Variants in FUZ observed in about 807,000 individuals in gnomAD.
FUZ encodes protein fuzzy homolog.
A neutral mutation model predicts 43.1 loss-of-function variants in FUZ; 31 were observed. The ratio of observed to expected loss-of-function variants is 0.72; its 90% CI spans 0.54 to 0.97. FUZ has a LOEUF of 0.97. Ranked by LOEUF, FUZ falls within the 50% of genes least tolerant of loss-of-function variation. FUZ has a pLI of 0.00. For synonymous variants in FUZ, 274 were observed against 250.0 expected, an observed-to-expected ratio of 1.10 and a Z score of -0.91; for missense variants, 539 against 543.8, an observed-to-expected ratio of 0.99 and a Z score of 0.09.
chr19:49,810,875 C>T (rs1029651759), intron 5 of FUZ, among the ~76,000 whole-genome samples: 8 of 151,690 alleles, frequency 5.3e-5, no homozygotes, highest in African/African-American at 1.9e-4. Flanking sequence ...ATGGCCCAGG[C>T]GCAGTGGCTC....
intron 10 of FUZ, among the ~76,000 whole-genome samples, chr19:49,807,758 G>A (rs1380626530): frequency 6.6e-6 from 1 of 152,164 alleles, no homozygotes. Flanking sequence ...GTGGGAGGTG[G>A]AGTCGCACAG....
Position 49,809,525 on chromosome 19 carries a change from C to T in FUZ, c.543G>A (p.Leu181=), listed in dbSNP as rs747005637. 7.5e-6 allele frequency: 12 copies of T among 1,601,526 alleles called. No individual in the cohort carries two copies. The Admixed American group carries it at 2.0e-4, about 27-fold the overall frequency. ...CTGCCACCACCCGGCCGGACACCAC[C>T]AGACTGACGAAGGTCGTGCCCGCGG... The part of the protein sequence containing the change: ...AEAAGTTFVS[L]VVSGRVVAAT... Residue 181 remains leucine (L), a synonymous_variant, in exon 6 of 11, where the codon CTG becomes CTA. Coordinates refer to ENST00000313777, the MANE Select transcript of FUZ (RefSeq NM_025129.5). The surrounding 1 kb of genome is among the most constrained non-coding windows in gnomAD (Gnocchi z 5.1).
In FUZ at chr19:49,809,688, G is replaced by A. The variant is rs1459182915; in HGVS notation, c.493-113C>T. 10 of 1,085,274 alleles carry A rather than the reference G, an allele frequency of 9.2e-6. No individual in the cohort carries two copies. Among genetic ancestry groups the A allele is most frequent in the Middle Eastern group, 2.8e-4 (1 of 3,556 alleles). The allele number at this position is 1,085,274 out of a possible 1,614,324, so 67.2% of individuals were successfully genotyped here. ...AACCCACAGCCAGCCCCGAGCTCGCGCAGTGGCCATGCTCCTACGTCTCAC... is the reference window on the plus strand; with the variant it reads ...AACCCACAGCCAGCCCCGAGCTCGCACAGTGGCCATGCTCCTACGTCTCAC... On this transcript the variant is annotated intron_variant, in intron 5 of 10. Transcript: ENST00000313777. This position sits in a 1 kb window ranked among gnomAD's most constrained non-coding sequence, Gnocchi z 5.1.
At chr19:49,811,513 G>T in intron 4 of FUZ, 46 bp from the exon 5 acceptor site, 2 of 1,593,726 alleles carry the variant, frequency 1.3e-6, no homozygotes, top group South Asian at 2.2e-5. Flanking sequence ...GTGGGCCCAG[G>T]GTCAGACAAC....
At chr19:49,807,421 C>G in intron 10 of FUZ, 47 bp from the exon 11 acceptor site, 1 of 1,533,642 alleles carries the variant, frequency 6.5e-7, no homozygotes, top group Non-Finnish European at 8.9e-7. Context: ...GCATGCTAAC[C>G]TTTGCAAGCC....
Position 49,809,849 on chromosome 19 carries a change from G to T in FUZ, c.493-274C>A, listed in dbSNP as rs2073673016. On this transcript the variant is annotated intron_variant, in intron 5 of 10. Transcript: ENST00000313777. This position sits in a 1 kb window ranked among gnomAD's most constrained non-coding sequence, Gnocchi z 5.1. Reference sequence around the variant, plus strand: ...TAATAATGTAACCGCAGCAGCTACCGTTCATCCAGGCCTGTTACATGCCGA... The same window carrying T: ...TAATAATGTAACCGCAGCAGCTACCTTTCATCCAGGCCTGTTACATGCCGA... 3.7e-6 allele frequency: 2 copies of T among 547,456 alleles called. No homozygotes were observed. The highest frequency in any genetic ancestry group is 4.0e-5 in the South Asian group (2 of 50,010). 33.9% of individuals were successfully genotyped at this position (547,456 alleles called of 1,614,324 possible). A position where few individuals can be genotyped will look rare whatever the true frequency, so the allele number is the denominator to read the frequency against.
In FUZ at chr19:49,809,412, T is replaced by C; in HGVS notation, c.656A>G (p.Asp219Gly). The C allele has an allele frequency of 1.3e-6, 2 of 1,543,320 alleles. No homozygotes were observed. The highest frequency in any genetic ancestry group is 8.7e-7 in the Non-Finnish European group (1 of 1,146,822). The change falls in exon 6 of 11, where the codon GAC becomes GGC. Residue 219 changes from aspartate (D) to glycine (G), a missense_variant. By Grantham distance (94) the Asp-to-Gly change is moderately conservative. Coordinates refer to ENST00000313777, the MANE Select transcript of FUZ (RefSeq NM_025129.5). This position sits in a 1 kb window ranked among gnomAD's most constrained non-coding sequence, Gnocchi z 5.1. ...VGSLPPQTAR[D>G]YPVYLPHGSP... The stretch of plus-strand genomic sequence containing the variant: ...CCCGTGCGGCAGGTACACCGGGTAG[T>C]CGCGAGCGGTCTGCGGCGGCAGGGA...
rs769846061 is a variant in FUZ at position 49,807,033 on chromosome 19, C to A, written c.*118G>T. The A allele has an allele frequency of 4.6e-6, 7 of 1,519,914 alleles. No homozygotes were observed. The highest frequency in any genetic ancestry group is 6.2e-6 in the Non-Finnish European group (7 of 1,134,060). The allele number at this position is 1,519,914 out of a possible 1,614,324, so 94.2% of individuals were successfully genotyped here. ...GTGGATGTCTCCTCCCCTCCCACCC[C>A]ACCCTGTTGTAGCCCCTCCTACCCC... is the stretch of plus-strand genomic sequence containing the variant. On this transcript the variant is annotated 3_prime_UTR_variant, in exon 11 of 11. Transcript: ENST00000313777.
At position 49,811,703 on chromosome 19, in the gene FUZ, G is replaced by A; in HGVS notation, c.319-4C>T. On this transcript the variant is annotated splice_region_variant and splice_polypyrimidine_tract_variant and intron_variant, in intron 3 of 10. Transcript: ENST00000313777. ...CTTCAAGTCCCACAAGAAGGACCTA[G>A]AAGAATCATATAGGAGAGGATGGGC... 6.2e-7 allele frequency: 1 copy of A among 1,612,772 alleles called. No homozygotes were observed. The highest frequency in any genetic ancestry group is 8.5e-7 in the Non-Finnish European group (1 of 1,178,758).
rs545358431 is a variant in FUZ at position 49,807,195 on chromosome 19, T to C, written c.1213A>G (p.Ser405Gly). 2.5e-6 allele frequency: 4 copies of C among 1,613,314 alleles called. No homozygotes were observed. In the Admixed American group the frequency reaches 6.7e-5, roughly 27 times the overall value. ...GCATGCAGAGTGTGGGTGGCCAGGCTTCGCAGCCCATGGGTGGGACTCTGG... is the reference window on the plus strand; with the variant it reads ...GCATGCAGAGTGTGGGTGGCCAGGCCTCGCAGCCCATGGGTGGGACTCTGG... ...SPQSPTHGLR[S>G]LATHTLHALT... is the part of the protein sequence containing the mutation. Residue 405 changes from serine to glycine, a missense_variant, in exon 11 of 11, where the codon AGC (serine) becomes GGC (glycine). Ser to Gly is a moderately conservative substitution (Grantham distance 56). Transcript: ENST00000313777.
chr19:49,810,364 T>C (rs1293439662), intron 5 of FUZ, among the ~76,000 whole-genome samples: 2 of 146,874 alleles, frequency 1.4e-5, no homozygotes, highest in Non-Finnish European at 3.0e-5. Context: ...CCCTAGTCCA[T>C]CTCTTAAAAA....
rs895878948 is a variant in FUZ, at chr19:49,809,268, G to T, written c.691-10C>A. 1.3e-6 allele frequency: 2 copies of T among 1,550,668 alleles called. No individual in the cohort carries two copies. Among genetic ancestry groups the T allele is most frequent in the Non-Finnish European group, 1.7e-6 (2 of 1,146,860 alleles). On this transcript the variant is annotated splice_polypyrimidine_tract_variant and intron_variant, in intron 6 of 10. Transcript: ENST00000313777. The surrounding 1 kb of genome is among the most constrained non-coding windows in gnomAD (Gnocchi z 5.1). ...GGAGCCGGTGTGGGACCTGAAGCAG[G>T]GCACAGGCTGGGGCTCATCGCGGCC...
In FUZ at chr19:49,808,883, C is replaced by T. The variant is rs1331445111; in HGVS notation, c.787-60G>A. Reference sequence around the variant, plus strand: ...GGAAGGCGGGGCCGGCGGGGGAGGTCGGGGGGTGTACAAGGATAGGGGCGT... The same window carrying T: ...GGAAGGCGGGGCCGGCGGGGGAGGTTGGGGGGTGTACAAGGATAGGGGCGT... On this transcript the variant is annotated intron_variant, in intron 7 of 10. Coordinates refer to ENST00000313777, the MANE Select transcript of FUZ (RefSeq NM_025129.5). 5.2e-6 allele frequency: 3 copies of T among 581,434 alleles called. No individual in the cohort carries two copies. The African/African-American group carries it at 7.8e-5, about 15-fold the overall frequency. 36.0% of individuals were successfully genotyped at this position (581,434 alleles called of 1,614,324 possible). A position where few individuals can be genotyped will look rare whatever the true frequency, so the allele number is the denominator to read the frequency against.
chr19:49,809,201 A>C lies in FUZ; in HGVS notation c.748T>G (p.Cys250Gly). The change falls in exon 7 of 11, where the codon TGC (cysteine) becomes GGC (glycine). Residue 250 changes from cysteine (C) to glycine (G), a missense_variant. Transcript: ENST00000313777. The surrounding 1 kb of genome is among the most constrained non-coding windows in gnomAD (Gnocchi z 5.1). The stretch of plus-strand genomic sequence containing the variant: ...TGGCTGAGGGGTGGGCTCGGCCCGC[A>C]GAGTAGACACAGCTCCAGGCTCGGC... ...LLPSLELCLL[C>G]GPSPPLSQLY... 1.9e-6 allele frequency: 3 copies of C among 1,551,542 alleles called. No individual in the cohort carries two copies. The highest frequency in any genetic ancestry group is 2.6e-6 in the Non-Finnish European group (3 of 1,147,142).
At position 49,812,645 on chromosome 19, in the gene FUZ, G is replaced by A; in HGVS notation, c.203C>T (p.Thr68Met). 4 of 1,614,042 alleles carry A rather than the reference G, an allele frequency of 2.5e-6. No individual in the cohort carries two copies. The highest frequency in any genetic ancestry group is 1.6e-4 in the Middle Eastern group (1 of 6,062). Residue 68 changes from threonine to methionine, a missense_variant, in exon 2 of 11, where the codon ACG becomes ATG. Physicochemically the swap from Thr to Met is moderately conservative, Grantham distance 81. Transcript: ENST00000313777. Reference sequence around the variant, plus strand: ...ATGGAAGCTTTTCCACACCACAGTCGTGTTCTCGGTCCTCGCAGAGCTCAG... The same window carrying A: ...ATGGAAGCTTTTCCACACCACAGTCATGTTCTCGGTCCTCGCAGAGCTCAG... ...VQLSSARTEN[T>M]TVVWKSFHDS...
In FUZ at chr19:49,812,651, T is replaced by C. The variant is rs2073848015; in HGVS notation, c.197A>G (p.Glu66Gly). 3.1e-6 allele frequency: 5 copies of C among 1,614,032 alleles called. No homozygotes were observed. In the African/African-American group the frequency reaches 5.3e-5, roughly 17 times the overall value. ...GCTTTTCCACACCACAGTCGTGTTC[T>C]CGGTCCTCGCAGAGCTCAGCTGCAC... ...LEVQLSSARTENTTVVWKSFH... is the reference protein window; with the variant it reads ...LEVQLSSARTGNTTVVWKSFH... The change falls in exon 2 of 11, where the codon GAG becomes GGG. Residue 66 changes from glutamate to glycine, a missense_variant. By Grantham distance (98) the Glu-to-Gly change is moderately conservative. Transcript: ENST00000313777.
upstream of FUZ, chr19:49,813,342 G>A (rs1448900841): frequency 1.6e-6 from 1 of 616,012 alleles, no homozygotes; most frequent in Non-Finnish European, 3.0e-6. Context: ...GGAAGTCACG[G>A]TACCCCTAAC....
At chr19:49,807,523 G>A in intron 10 of FUZ, 149 bp from the exon 11 acceptor site, 1 of 756,340 alleles carries the variant, frequency 1.3e-6, no homozygotes, top group Admixed American at 2.1e-5. Context: ...CGGGGCTCTA[G>A]CTGGCTGTCA....
chr19:49,813,354 A>C, upstream of FUZ: 1 of 581,828 alleles, frequency 1.7e-6, no homozygotes. Context: ...ACCCCTAACA[A>C]AGATGGCGGC....
Sources: gnomAD v4.1 joint callset for allele counts (sites outside exome capture counted in the v4.1 genomes callset) on GRCh38, gnomAD v4.1.1 for gene constraint, Gnocchi (gnomAD v3.1) non-coding constraint, MANE v1.5 for transcripts, NCBI Gene and HGNC (gene_info 2026-07-23, HGNC 2026-07-21) for gene names.